Variants in USP10 observed in about 807,000 individuals in gnomAD.
USP10 encodes the protein ubiquitin specific peptidase 10.
In USP10, 22 loss-of-function variants were observed where a neutral mutation model predicts 84.5. That is an observed-to-expected ratio of 0.26 (90% CI 0.19 to 0.37). The LOEUF (loss-of-function observed/expected upper bound fraction) is 0.37, where lower values mean the gene tolerates loss of function less well. Ranked by LOEUF, USP10 falls within the 10% of genes least tolerant of loss-of-function variation. USP10 has a pLI of 1.00. For missense variants in USP10, 1,019 were observed against 998.9 expected, an observed-to-expected ratio of 1.02 and a Z score of -0.27; for synonymous variants, 454 against 387.6, an observed-to-expected ratio of 1.17 and a Z score of -2.01.
At chr16:84,752,294 T>C (rs1345883155) in intron 4 of USP10, among the ~76,000 whole-genome samples, 1 of 152,236 alleles carries the variant, frequency 6.6e-6, no homozygotes, top group African/African-American at 2.4e-5. Flanking sequence ...TAGTAAATTA[T>C]ACCAACCATG....
intron 1 of USP10, among the ~76,000 whole-genome samples, chr16:84,723,163 CT>C (rs1040453924): frequency 1.3e-5 from 2 of 149,938 alleles, no homozygotes; most frequent in African/African-American, 4.9e-5. Flanking sequence ...TTTTTTTGGC[CT>C]TTTTTCCCCC....
At chr16:84,760,981 T>C (rs1468469063) in intron 8 of USP10, among the ~76,000 whole-genome samples, 8 of 152,216 alleles carry the variant, frequency 5.3e-5, no homozygotes, top group African/African-American at 1.7e-4. Flanking sequence ...TTCATTGCTT[T>C]GAAGAAGAGT....
chr16:84,713,864 G>C (rs147595872), intron 1 of USP10, among the ~76,000 whole-genome samples: 164 of 152,368 alleles, frequency 1.1e-3, no homozygotes, highest in African/African-American at 3.4e-3. Flanking sequence ...CCCAAGAGAA[G>C]GGCGCCCAAA....
intron 8 of USP10, among the ~76,000 whole-genome samples, chr16:84,762,333 A>C (rs1454943708): frequency 6.6e-6 from 1 of 152,186 alleles, no homozygotes; most frequent in Non-Finnish European, 1.5e-5. Flanking sequence ...CTAGACATCT[A>C]GTTCTTCGTC....
chr16:84,773,329 G>A (rs1269568176), intron 12 of USP10, among the ~76,000 whole-genome samples: 2 of 152,174 alleles, frequency 1.3e-5, no homozygotes, highest in African/African-American at 4.8e-5. Context: ...TCAGAATATC[G>A]AGGTGTTTGG....
At chr16:84,726,694 G>A (rs368412158) in intron 1 of USP10, among the ~76,000 whole-genome samples, 65 of 152,350 alleles carry the variant, frequency 4.3e-4, no homozygotes, top group African/African-American at 1.6e-3. Flanking sequence ...TTGAAAGCCC[G>A]GGATGGAGGC....
chr16:84,708,119 C>G (rs190522344), intron 1 of USP10, among the ~76,000 whole-genome samples: 4 of 151,660 alleles, frequency 2.6e-5, no homozygotes, highest in African/African-American at 7.3e-5. Flanking sequence ...ACTTCCACCC[C>G]CTTAGTAGTA....
chr16:84,770,956 C>T (rs753048530), intron 11 of USP10, among the ~76,000 whole-genome samples: 1 of 151,850 alleles, frequency 6.6e-6, no homozygotes, highest in Non-Finnish European at 1.5e-5. Flanking sequence ...GTCCCAGCCT[C>T]TCAGGAGGCT....
At chr16:84,712,665 A>C (rs114189990) in intron 1 of USP10, among the ~76,000 whole-genome samples, 1,721 of 152,276 alleles carry the variant, frequency 0.011, 30 homozygotes, top group African/African-American at 0.038. Flanking sequence ...GATGAAGAAG[A>C]GGTGGCTGCT....
At chr16:84,711,410 A>G (rs1906273129) in intron 1 of USP10, among the ~76,000 whole-genome samples, 1 of 152,106 alleles carries the variant, frequency 6.6e-6, no homozygotes, top group African/African-American at 2.4e-5. Context: ...TGTCCCAGAG[A>G]ACTGGAACTT....
At chr16:84,763,580 A>G (rs1043321904) in intron 9 of USP10, among the ~76,000 whole-genome samples, 1 of 152,250 alleles carries the variant, frequency 6.6e-6, no homozygotes, top group African/African-American at 2.4e-5. Context: ...AACTGTAATG[A>G]CACGGTAATA....
chr16:84,720,518 C>T (rs2150777441), intron 1 of USP10, among the ~76,000 whole-genome samples: 1 of 150,034 alleles, frequency 6.7e-6, no homozygotes, highest in South Asian at 2.1e-4. Flanking sequence ...GGGACAGAGG[C>T]TTCAGAGTGG....
At chr16:84,738,836 C>G (rs1013958236) in intron 2 of USP10, among the ~76,000 whole-genome samples, 1 of 152,162 alleles carries the variant, frequency 6.6e-6, no homozygotes, top group East Asian at 1.9e-4. Context: ...CATTGGAGAA[C>G]TCAGCTGAGG....
At chr16:84,747,305 A>G (rs1358289545) in intron 4 of USP10, among the ~76,000 whole-genome samples, 1 of 152,204 alleles carries the variant, frequency 6.6e-6, no homozygotes, top group African/African-American at 2.4e-5. Context: ...CATTACCAGG[A>G]TGTAGCAGCA....
At chr16:84,771,082 A>G (rs1331521769) in intron 11 of USP10, among the ~76,000 whole-genome samples, 2 of 151,822 alleles carry the variant, frequency 1.3e-5, no homozygotes, top group African/African-American at 2.4e-5. Flanking sequence ...TGTTATCCAA[A>G]TGAATATGGG....
Position 84,779,017 on chromosome 16 carries a change from G to C in USP10, c.2332G>C (p.Val778Leu), listed in dbSNP as rs201068388. 17 of 1,614,038 alleles carry C rather than the reference G, an allele frequency of 1.1e-5. No individual in the cohort carries two copies. The highest frequency in any genetic ancestry group is 1.4e-5 in the Non-Finnish European group (16 of 1,179,898). ...QTVKVINQYQ[V>L]VKPTAERTAY... ...AGTCAAGGTGATCAACCAGTACCAG[G>C]TGGTGAAACCAACTGCTGAACGCAC... is the stretch of plus-strand genomic sequence containing the variant. Residue 778 changes from valine to leucine, a missense_variant, in exon 14 of 14, where the codon GTG (valine) becomes CTG (leucine). This residue lies in a region of USP10 where 232 missense variants were observed against 290.1 expected (regional missense o/e 0.80). Transcript: ENST00000219473.
chr16:84,770,864 G>A (rs1286308861), intron 11 of USP10, among the ~76,000 whole-genome samples: 1 of 150,994 alleles, frequency 6.6e-6, no homozygotes, highest in Non-Finnish European at 1.5e-5. Flanking sequence ...TCAAGAGATC[G>A]AGACCATCCT....
intron 1 of USP10, chr16:84,704,613 G>C: frequency 8.4e-7 from 1 of 1,193,680 alleles, no homozygotes; most frequent in Non-Finnish European, 1.1e-6. Context: ...AATAAAGGTA[G>C]CCCTTGGGGT....
At chr16:84,741,344 C>T (rs977136543) in intron 3 of USP10, among the ~76,000 whole-genome samples, 5 of 152,210 alleles carry the variant, frequency 3.3e-5, no homozygotes, top group East Asian at 1.9e-4. Context: ...ACCGGGAAGC[C>T]GGGCTGCTCA....
Sources: gnomAD v4.1 joint callset for allele counts (sites outside exome capture counted in the v4.1 genomes callset) on GRCh38, gnomAD v4.1.1 for gene constraint, gnomAD v4.1.1 regional missense constraint, MANE v1.5 for transcripts, NCBI Gene and HGNC (gene_info 2026-07-23, HGNC 2026-07-21) for gene names.